VPS41: variants seen among roughly 807,000 people sequenced by gnomAD.
VPS41 encodes vacuolar protein sorting-associated protein 41 homolog.
VPS41 carries 85 observed loss-of-function variants against 130.9 expected under a neutral mutation model. That is an observed-to-expected ratio of 0.65 (90% CI 0.55 to 0.78). The LOEUF is 0.78. VPS41 is among the 30% of genes least tolerant of loss of function. The pLI is 0.00. For synonymous variants in VPS41, 335 were observed against 332.9 expected (o/e 1.01, Z -0.07); for missense variants, 874 against 1,018.7 (o/e 0.86, Z 1.93).
chr7:38,741,949 A>T, intron 25 of VPS41, 36 bp downstream of exon 25: 1 of 1,610,436 alleles, frequency 6.2e-7, no homozygotes, highest in Non-Finnish European at 8.5e-7. Flanking sequence ...AAGTCAACTA[A>T]TTCAGATGCT....
chr7:38,834,481 C>T (rs141699636), intron 4 of VPS41, among the ~76,000 whole-genome samples: 2 of 152,208 alleles, frequency 1.3e-5, no homozygotes, highest in Non-Finnish European at 2.9e-5. Flanking sequence ...GGAGCACACA[C>T]AGGTTGTAAA....
chr7:38,868,031 T>C (rs893192937), intron 3 of VPS41, among the ~76,000 whole-genome samples: 5 of 152,124 alleles, frequency 3.3e-5, no homozygotes, highest in African/African-American at 1.2e-4. Context: ...AAGCTTGAAG[T>C]ATAACAAGGG....
chr7:38,779,036 C>T (rs1784312285), intron 10 of VPS41, among the ~76,000 whole-genome samples: 1 of 152,178 alleles, frequency 6.6e-6, no homozygotes, highest in Non-Finnish European at 1.5e-5. Flanking sequence ...GATAGAAACT[C>T]CAATGTGTTC....
rs1784905330 is a variant in VPS41, at chr7:38,809,652, ACTC to A, written c.450+8162_450+8164del. On this transcript the variant is annotated intron_variant, in intron 7 of 28. Coordinates refer to ENST00000310301, the MANE Select transcript of VPS41 (RefSeq NM_014396.4). ...ATTTCAAATTTTCCTCATTTCATTC[ACTC>A]CAGTCCTTTCCTTGTTTGCTGACTG... Among the ~76,000 whole-genome samples, 5 of 151,626 alleles carry A rather than the reference ACTC, an allele frequency of 3.3e-5. No homozygotes were observed. In the South Asian group the frequency reaches 6.3e-4, roughly 19 times the overall value.
chr7:38,796,930 A>G, intron 7 of VPS41, 66 bp from the exon 8 acceptor site: 1 of 1,594,218 alleles, frequency 6.3e-7, no homozygotes, highest in Non-Finnish European at 8.6e-7. Context: ...TTCTTTACTT[A>G]CTAGTTTTAC....
At chr7:38,752,458 A>G in intron 21 of VPS41, 145 bp from the exon 22 acceptor site, 1 of 983,510 alleles carries the variant, frequency 1.0e-6, no homozygotes, top group Non-Finnish European at 1.5e-6. Context: ...GTGATGGAGA[A>G]GTGGAAAGGA....
At chr7:38,741,934 G>A (rs1255220321) in intron 25 of VPS41, 51 bp downstream of exon 25, 15 of 1,602,412 alleles carry the variant, frequency 9.4e-6, no homozygotes, top group Non-Finnish European at 1.3e-5. Flanking sequence ...TATTTATCCA[G>A]TACTAAGTCA....
At chr7:38,860,135 G>A (rs1584432294) in intron 4 of VPS41, among the ~76,000 whole-genome samples, 1 of 152,190 alleles carries the variant, frequency 6.6e-6, no homozygotes, top group East Asian at 1.9e-4. Context: ...TCAGTGTCAC[G>A]ATTCATTTAC....
At chr7:38,749,640 T>C (rs1350788195) in intron 22 of VPS41, among the ~76,000 whole-genome samples, 11 of 152,176 alleles carry the variant, frequency 7.2e-5, no homozygotes, top group Non-Finnish European at 1.5e-4. Context: ...CTCAATTTCA[T>C]ATTCAGGAGA....
intron 16 of VPS41, among the ~76,000 whole-genome samples, chr7:38,763,751 TATGA>T (rs1356779295): frequency 6.6e-6 from 1 of 152,190 alleles, no homozygotes; most frequent in Non-Finnish European, 1.5e-5. Context: ...TATATACATG[TATGA>T]ATGAATTTAA....
chr7:38,767,896 G>A (rs1784078220), intron 14 of VPS41, among the ~76,000 whole-genome samples: 1 of 151,922 alleles, frequency 6.6e-6, no homozygotes, highest in East Asian at 1.9e-4. Flanking sequence ...TCATAAAGGA[G>A]GTATTCGATA....
chr7:38,814,628 C>T (rs1423189490), intron 7 of VPS41, among the ~76,000 whole-genome samples: 3 of 151,880 alleles, frequency 2.0e-5, no homozygotes, highest in Non-Finnish European at 4.4e-5. Flanking sequence ...CTAGCCTGGG[C>T]GACAGAGCAA....
In VPS41 at chr7:38,854,438, A is replaced by T. The variant is rs189568605; in HGVS notation, c.246+8107T>A. On this transcript the variant is annotated intron_variant, in intron 4 of 28. Transcript: ENST00000310301. ...ATCTGCTCCAAAGATTCTTTCAATGAACAGTCACCCAACATCACACTGGCC... is the reference window on the plus strand; with the variant it reads ...ATCTGCTCCAAAGATTCTTTCAATGTACAGTCACCCAACATCACACTGGCC... Among the ~76,000 whole-genome samples, 434 of 152,302 alleles carry T rather than the reference A, an allele frequency of 2.8e-3. 2 individuals carry two copies. Among genetic ancestry groups the T allele is most frequent in the African/African-American group, 9.6e-3 (397 of 41,566 alleles).
intron 6 of VPS41, among the ~76,000 whole-genome samples, chr7:38,818,578 C>T (rs966091184): frequency 4.6e-5 from 7 of 152,186 alleles, no homozygotes; most frequent in African/African-American, 1.7e-4. Context: ...TACATAACAT[C>T]ATTAACATCT....
intron 7 of VPS41, among the ~76,000 whole-genome samples, chr7:38,811,533 T>C (rs1185123137): frequency 6.6e-6 from 1 of 151,896 alleles, no homozygotes; most frequent in Non-Finnish European, 1.5e-5. Context: ...TATAATGGCT[T>C]TTTTAAATAA....
chr7:38,834,339 T>C (rs1157144558), intron 4 of VPS41, among the ~76,000 whole-genome samples: 1 of 152,200 alleles, frequency 6.6e-6, no homozygotes, highest in African/African-American at 2.4e-5. Context: ...CCCTGAGAGG[T>C]CTTAATATTC....
intron 25 of VPS41, among the ~76,000 whole-genome samples, chr7:38,741,091 C>T (rs1190486068): frequency 1.3e-5 from 2 of 152,258 alleles, no homozygotes; most frequent in Non-Finnish European, 2.9e-5. Flanking sequence ...AGGCTGTCAC[C>T]CTGAGTGCAG....
At chr7:38,778,713 T>C (rs1309070752) in intron 10 of VPS41, among the ~76,000 whole-genome samples, 1 of 152,170 alleles carries the variant, frequency 6.6e-6, no homozygotes, top group East Asian at 1.9e-4. Context: ...TTTGCTGTGC[T>C]TGTCTGCCAC....
chr7:38,825,244 T>C (rs1014153411), intron 5 of VPS41, among the ~76,000 whole-genome samples: 1 of 152,190 alleles, frequency 6.6e-6, no homozygotes, highest in Non-Finnish European at 1.5e-5. Context: ...AACATTTTCC[T>C]CAAGTGTTCT....
Sources: allele counts gnomAD v4.1 joint callset (sites outside exome capture counted in the v4.1 genomes callset), GRCh38; gene constraint gnomAD v4.1.1; transcripts MANE v1.5; gene names NCBI Gene and HGNC (gene_info 2026-07-23, HGNC 2026-07-21).